Variants in PTPRD observed in about 807,000 individuals in gnomAD.
PTPRD encodes protein tyrosine phosphatase receptor type D, also known as receptor-type tyrosine-protein phosphatase delta.
Under a neutral mutation model 214.5 loss-of-function variants are expected in PTPRD, and 34 were observed. That is an observed-to-expected ratio of 0.16 (90% CI 0.12 to 0.21). The LOEUF (loss-of-function observed/expected upper bound fraction) is 0.21, where lower values mean the gene tolerates loss of function less well. Ranked by LOEUF, PTPRD falls within the 10% of genes least tolerant of loss-of-function variation. The pLI is 1.00. For synonymous variants in PTPRD, 1,128 were observed against 845.7 expected, an observed-to-expected ratio of 1.33 and a Z score of -5.79; for missense variants, 2,545 against 2,398.7, an observed-to-expected ratio of 1.06 and a Z score of -1.27.
intron 39 of PTPRD, among the ~76,000 whole-genome samples, chr9:8,344,414 C>G (rs1451183101): frequency 6.6e-6 from 1 of 151,792 alleles, no homozygotes; most frequent in Non-Finnish European, 1.5e-5. Flanking sequence ...GTAGGAATAA[C>G]TCCAACTCTA....
chr9:9,374,499 T>C (rs769928216), intron 9 of PTPRD, among the ~76,000 whole-genome samples: 7 of 152,068 alleles, frequency 4.6e-5, no homozygotes, highest in Non-Finnish European at 7.4e-5. Flanking sequence ...AAAAGCATAT[T>C]CCAGAAAGTA....
chr9:10,439,413 A>G (rs2098744360), intron 2 of PTPRD, among the ~76,000 whole-genome samples: 1 of 151,808 alleles, frequency 6.6e-6, no homozygotes, highest in African/African-American at 2.4e-5. Flanking sequence ...ATTAAATTGT[A>G]TTCAAGGAAA....
intron 3 of PTPRD, among the ~76,000 whole-genome samples, chr9:10,204,362 T>G (rs1231464566): frequency 6.6e-6 from 1 of 152,176 alleles, no homozygotes; most frequent in African/African-American, 2.4e-5. Context: ...AGAATAGCTT[T>G]ACTGATTTTG....
At chr9:10,559,415 G>C (rs1590899493) in intron 2 of PTPRD, among the ~76,000 whole-genome samples, 1 of 152,038 alleles carries the variant, frequency 6.6e-6, no homozygotes, top group South Asian at 2.1e-4. Context: ...ATAATCAATG[G>C]CCACACAGTT....
chr9:8,646,580 C>T (rs1187561133), intron 12 of PTPRD, among the ~76,000 whole-genome samples: 2 of 152,026 alleles, frequency 1.3e-5, no homozygotes, highest in African/African-American at 4.8e-5. Flanking sequence ...CAGAATTTAC[C>T]CACATTTTTC....
chr9:9,019,907 G>T (rs1478095829), intron 10 of PTPRD, among the ~76,000 whole-genome samples: 1 of 152,018 alleles, frequency 6.6e-6, no homozygotes, highest in East Asian at 1.9e-4. Flanking sequence ...TGGAAGAGTG[G>T]AAATGAAGAA....
At chr9:9,379,943 T>C (rs2140257844) in intron 9 of PTPRD, among the ~76,000 whole-genome samples, 1 of 152,192 alleles carries the variant, frequency 6.6e-6, no homozygotes, top group African/African-American at 2.4e-5. Context: ...TTTTGTATTT[T>C]TGCATAGAAA....
chr9:8,740,828 G>A (rs768955376), intron 11 of PTPRD, among the ~76,000 whole-genome samples: 4 of 151,994 alleles, frequency 2.6e-5, no homozygotes, highest in Non-Finnish European at 5.9e-5. Flanking sequence ...TTTGGCTTAG[G>A]CTATGACTTA....
At chr9:9,396,016 A>G (rs1198682520) in intron 9 of PTPRD, among the ~76,000 whole-genome samples, 1 of 152,194 alleles carries the variant, frequency 6.6e-6, no homozygotes, top group East Asian at 1.9e-4. Flanking sequence ...CTTGACTGAA[A>G]GAGACTGACT....
At chr9:8,946,306 G>T (rs186068857) in intron 11 of PTPRD, among the ~76,000 whole-genome samples, 1 of 152,054 alleles carries the variant, frequency 6.6e-6, no homozygotes, top group Non-Finnish European at 1.5e-5. Flanking sequence ...TTAATCAAAA[G>T]TCTTAAAACG....
At chr9:8,691,979 G>T (rs1358895497) in intron 12 of PTPRD, among the ~76,000 whole-genome samples, 2 of 151,934 alleles carry the variant, frequency 1.3e-5, no homozygotes, top group Non-Finnish European at 2.9e-5. Flanking sequence ...TACTCACTGG[G>T]TTCAGAACTG....
chr9:10,202,813 T>C (rs903924388), intron 3 of PTPRD, among the ~76,000 whole-genome samples: 1 of 151,470 alleles, frequency 6.6e-6, no homozygotes, highest in East Asian at 2.0e-4. Context: ...TTGATCTCCA[T>C]CCTCCTCGCT....
At chr9:9,261,604 C>T (rs945549178) in intron 9 of PTPRD, among the ~76,000 whole-genome samples, 3 of 151,130 alleles carry the variant, frequency 2.0e-5, no homozygotes, top group Non-Finnish European at 3.0e-5. Flanking sequence ...AGAAAGCAAA[C>T]CTCTAATAAT....
intron 6 of PTPRD, among the ~76,000 whole-genome samples, chr9:9,759,383 T>A (rs2098629168): frequency 1.3e-5 from 2 of 152,108 alleles, no homozygotes; most frequent in South Asian, 2.1e-4. Flanking sequence ...AACCCAGTAA[T>A]TAAAGTGTTA....
chr9:8,405,649 T>G (rs1034959635), intron 35 of PTPRD, among the ~76,000 whole-genome samples: 7 of 152,170 alleles, frequency 4.6e-5, no homozygotes, highest in Admixed American at 3.9e-4. Flanking sequence ...ATTTCATTGT[T>G]ATATGGAAAC....
At chr9:10,032,111 C>A (rs185345835) in intron 4 of PTPRD, among the ~76,000 whole-genome samples, 21 of 152,022 alleles carry the variant, frequency 1.4e-4, no homozygotes, top group African/African-American at 4.6e-4. Flanking sequence ...GGGAAGATCT[C>A]GATTAATACT....
At chr9:9,385,150 C>T (rs1017533562) in intron 9 of PTPRD, among the ~76,000 whole-genome samples, 8 of 152,030 alleles carry the variant, frequency 5.3e-5, no homozygotes, top group African/African-American at 1.9e-4. Flanking sequence ...AATAATGAAC[C>T]CACATGTTCT....
At chr9:10,158,278 G>A (rs147450335) in intron 3 of PTPRD, among the ~76,000 whole-genome samples, 65 of 152,186 alleles carry the variant, frequency 4.3e-4, no homozygotes, top group African/African-American at 1.5e-3. Context: ...AAGTTGTTGG[G>A]GTTACAGGCG....
intron 8 of PTPRD, among the ~76,000 whole-genome samples, chr9:9,416,399 A>G (rs1353349869): frequency 6.6e-6 from 1 of 152,156 alleles, no homozygotes; most frequent in Non-Finnish European, 1.5e-5. Flanking sequence ...AATGAGCCTC[A>G]TGTCCTCTCT....
Sources: gnomAD v4.1 joint callset for allele counts (sites outside exome capture counted in the v4.1 genomes callset) on GRCh38, gnomAD v4.1.1 for gene constraint, MANE v1.5 for transcripts, NCBI Gene and HGNC (gene_info 2026-07-23, HGNC 2026-07-21) for gene names.